KIAA1549: variants seen among roughly 807,000 people sequenced by gnomAD.
KIAA1549 encodes KIAA1549.
KIAA1549 carries 70 observed loss-of-function variants against 156.4 expected under a neutral mutation model. The ratio of observed to expected loss-of-function variants is 0.45; its 90% CI spans 0.37 to 0.55. KIAA1549 has a LOEUF of 0.55. Ranked by LOEUF, KIAA1549 falls within the 20% of genes least tolerant of loss-of-function variation. KIAA1549 has a pLI of 0.00. For synonymous variants in KIAA1549, 1,103 were observed against 1,066.4 expected (o/e 1.03, Z -0.67); for missense variants, 2,428 against 2,540.9 (o/e 0.96, Z 0.96).
chr7:138,841,892 T>TAAAA (rs201550744), intron 18 of KIAA1549, among the ~76,000 whole-genome samples: 22 of 141,646 alleles, frequency 1.6e-4, no homozygotes, highest in African/African-American at 5.4e-4. Flanking sequence ...CAACCACATT[T>TAAAA]AAAAAAAAAA....
At chr7:138,962,396 G>A (rs1448820582) in intron 1 of KIAA1549, among the ~76,000 whole-genome samples, 1 of 152,076 alleles carries the variant, frequency 6.6e-6, no homozygotes, top group Non-Finnish European at 1.5e-5. Context: ...CCCATCAGTG[G>A]GTAGCCCTAT....
In KIAA1549 at chr7:138,912,830, T is replaced by C. The variant is rs186416775; in HGVS notation, c.2879-370A>G. Among the ~76,000 whole-genome samples the C allele has an allele frequency of 6.3e-4, 96 of 152,324 alleles. 1 individual carries two copies. Among genetic ancestry groups the C allele is most frequent in the Middle Eastern group, 3.4e-3 (1 of 294 alleles). On this transcript the variant is annotated intron_variant, in intron 2 of 19. Coordinates refer to ENST00000422774, the MANE Select transcript of KIAA1549 (RefSeq NM_001164665.2). Reference sequence around the variant, plus strand: ...CAAATTCCAGGCTGTCTCTCGGCTATGTCCCTGACAACAAAACATGAGGCT... The same window carrying C: ...CAAATTCCAGGCTGTCTCTCGGCTACGTCCCTGACAACAAAACATGAGGCT...
chr7:138,911,881 ATGCG>A (rs1174165134), intron 3 of KIAA1549, among the ~76,000 whole-genome samples: 1 of 152,178 alleles, frequency 6.6e-6, no homozygotes, highest in African/African-American at 2.4e-5. Context: ...CTGTATCGCC[ATGCG>A]TGGGGCGCGG....
chr7:138,867,596 C>A (rs1168549413), intron 15 of KIAA1549, among the ~76,000 whole-genome samples: 1 of 152,004 alleles, frequency 6.6e-6, no homozygotes, highest in East Asian at 1.9e-4. Context: ...AACCAAATAA[C>A]CCTCTGACTA....
Position 138,841,461 on chromosome 7 carries a change from T to C in KIAA1549, c.5453-1183A>G, listed in dbSNP as rs373357033. 1.6e-3 allele frequency among the ~76,000 whole-genome samples: 247 copies of C among 152,318 alleles called. 2 individuals are homozygous for C. Among genetic ancestry groups the C allele is most frequent in the African/African-American group, 5.4e-3 (225 of 41,564 alleles). On this transcript the variant is annotated intron_variant, in intron 18 of 19. Transcript: ENST00000422774. Reference sequence around the variant, plus strand: ...AGACATCTGCAGCCTCCTGTGGCTATGGAAGCCAGGTAATACACAATGTTT... The same window carrying C: ...AGACATCTGCAGCCTCCTGTGGCTACGGAAGCCAGGTAATACACAATGTTT...
In KIAA1549 at chr7:138,838,087, G is replaced by A; in HGVS notation, c.5672C>T (p.Pro1891Leu). 6.3e-7 allele frequency: 1 copy of A among 1,579,596 alleles called. No individual in the cohort carries two copies. ...FQVPRTSGREPSAPSGNLPHR... is the reference protein window; with the variant it reads ...FQVPRTSGRELSAPSGNLPHR... ...GGGGAGGTTCCCGGAAGGAGCTGAG[G>A]GCTCCCTGCCTGAAGTCCTTGGCAC... The change falls in exon 20 of 20, where the codon CCC (proline) becomes CTC (leucine). Residue 1891 changes from proline to leucine, a missense_variant. By Grantham distance (98) the Pro-to-Leu change is moderately conservative. Transcript: ENST00000422774.
intron 1 of KIAA1549, among the ~76,000 whole-genome samples, chr7:138,962,415 G>A (rs540803473): frequency 6.6e-6 from 1 of 152,230 alleles, no homozygotes; most frequent in East Asian, 1.9e-4. Flanking sequence ...ATTTCCTCCT[G>A]CCCCTTGTGG....
intron 18 of KIAA1549, among the ~76,000 whole-genome samples, chr7:138,842,583 C>T (rs1390202730): frequency 6.6e-6 from 1 of 151,796 alleles, no homozygotes; most frequent in Non-Finnish European, 1.5e-5. Context: ...ATCATAGCTA[C>T]TTGGGAGGTT....
chr7:138,848,700 G>A (rs2130343478), intron 17 of KIAA1549, among the ~76,000 whole-genome samples: 1 of 152,210 alleles, frequency 6.6e-6, no homozygotes, highest in Non-Finnish European at 1.5e-5. Context: ...AAAATGAACG[G>A]AGAAGTGTTC....
Position 138,919,291 on chromosome 7 carries a change from G to A in KIAA1549, c.335C>T (p.Pro112Leu), listed in dbSNP as rs957656652. 11 of 1,613,992 alleles carry A rather than the reference G, an allele frequency of 6.8e-6. No homozygotes were observed. Among genetic ancestry groups the A allele is most frequent in the East Asian group, 4.5e-5 (2 of 44,872 alleles). ...TGTATCAAAAGTAGTGGCAGACGGC[G>A]GGGCTGTGACATGGAGAGGACTGCT... Reference protein sequence around the residue: ...QHSSPLHVTAPPSATTFDTAF... With the variant: ...QHSSPLHVTALPSATTFDTAF... Residue 112 changes from proline (P) to leucine (L), a missense_variant, in exon 2 of 20, where the codon CCG becomes CTG. Around this residue, in one of 5 missense-constraint regions of KIAA1549, gnomAD observed 893 missense variants for 847.9 expected, o/e 1.05. Coordinates refer to ENST00000422774, the MANE Select transcript of KIAA1549 (RefSeq NM_001164665.2).
chr7:138,955,128 G>A (rs1813623697), intron 1 of KIAA1549, among the ~76,000 whole-genome samples: 1 of 152,210 alleles, frequency 6.6e-6, no homozygotes, highest in South Asian at 2.1e-4. Flanking sequence ...AAACTGAGGT[G>A]AGTCAAACAC....
chr7:138,961,123 A>ACCAAAGAGTGGGGTCTCCTCTAGG (rs1813832612), intron 1 of KIAA1549, among the ~76,000 whole-genome samples: 1 of 152,164 alleles, frequency 6.6e-6, no homozygotes, highest in Non-Finnish European at 1.5e-5. Flanking sequence ...CCTCTTGCCC[A>ACCAAAGAGTGGGGTCTCCTCTAGG]CCAAAGAGTG....
chr7:138,927,737 G>A (rs954082706), intron 1 of KIAA1549, among the ~76,000 whole-genome samples: 1 of 152,336 alleles, frequency 6.6e-6, no homozygotes. Flanking sequence ...GTTTCCATGA[G>A]CAATATATGA....
In KIAA1549 at chr7:138,939,967, C is replaced by T. The variant is rs574019894; in HGVS notation, c.188-20529G>A. ...TTTGAGACCAGCCTGGGCAACATAG[C>T]AAGACCCCATTTCTACAAAAAAAAT... On this transcript the variant is annotated intron_variant, in intron 1 of 19. Coordinates refer to ENST00000422774, the MANE Select transcript of KIAA1549 (RefSeq NM_001164665.2). 1.3e-3 allele frequency among the ~76,000 whole-genome samples: 193 copies of T among 152,248 alleles called. 1 individual carries two copies. The highest frequency in any genetic ancestry group is 4.5e-3 in the African/African-American group (185 of 41,558).
chr7:138,911,050 T>C, intron 4 of KIAA1549, 96 bp downstream of exon 4: 1 of 957,708 alleles, frequency 1.0e-6, no homozygotes, highest in Non-Finnish European at 1.5e-6. Context: ...ATCATCATAA[T>C]AATAAATTCT....
At position 138,838,061 on chromosome 7, in the gene KIAA1549, G is replaced by C. The variant is rs573970210; in HGVS notation, c.5698C>G (p.His1900Asp). 1.9e-6 allele frequency: 3 copies of C among 1,596,846 alleles called. No homozygotes were observed. The highest frequency in any genetic ancestry group is 2.3e-5 in the East Asian group (1 of 44,296). ...EPSAPSGNLP[H>D]RGLQGPGLGY... ...AGCCCAGGGCCCTGCAGTCCCCGGT[G>C]GGGGAGGTTCCCGGAAGGAGCTGAG... The change falls in exon 20 of 20, where the codon CAC (histidine) becomes GAC (aspartate). Residue 1900 changes from histidine (H) to aspartate (D), a missense_variant. Physicochemically the swap from His to Asp is moderately conservative, Grantham distance 81 (BLOSUM62 -1). Transcript: ENST00000422774.
chr7:138,946,413 CTT>C (rs1373298154), intron 1 of KIAA1549, among the ~76,000 whole-genome samples: 1 of 152,192 alleles, frequency 6.6e-6, no homozygotes, highest in African/African-American at 2.4e-5. Context: ...TACAATTACT[CTT>C]TCTTTCGCTT....
intron 1 of KIAA1549, among the ~76,000 whole-genome samples, chr7:138,965,920 C>T (rs1181616712): frequency 2.6e-5 from 4 of 152,190 alleles, no homozygotes; most frequent in Non-Finnish European, 5.9e-5. Context: ...CACCTGAGTG[C>T]CTGCTGCCTC....
intron 6 of KIAA1549, 63 bp downstream of exon 6, chr7:138,906,856 G>T: frequency 8.1e-7 from 1 of 1,231,012 alleles, no homozygotes. Flanking sequence ...ATTTTAAGAA[G>T]AGGTCTTCCA....
Sources: gnomAD v4.1 joint callset for allele counts (sites outside exome capture counted in the v4.1 genomes callset) on GRCh38, gnomAD v4.1.1 for gene constraint, gnomAD v4.1.1 regional missense constraint, MANE v1.5 for transcripts, NCBI Gene and HGNC (gene_info 2026-07-23, HGNC 2026-07-21) for gene names.